Variants in C1QTNF5 observed in about 807,000 individuals in gnomAD.
C1QTNF5 encodes C1q and TNF related 5.
C1QTNF5 carries 5 observed loss-of-function variants against 10.9 expected under a neutral mutation model. The ratio of observed to expected loss-of-function variants is 0.46; its 90% CI spans 0.24 to 0.97. C1QTNF5 has a LOEUF of 0.97. Among genes scored for constraint, C1QTNF5 ranks in the 50% least tolerant of loss-of-function variants. The pLI, the probability that C1QTNF5 is intolerant of heterozygous loss-of-function variation, is 0.19. For synonymous variants in C1QTNF5, 161 were observed against 156.5 expected, an observed-to-expected ratio of 1.03 and a Z score of -0.22; for missense variants, 281 against 339.4, an observed-to-expected ratio of 0.83 and a Z score of 1.35.
In C1QTNF5 at chr11:119,339,214, C is replaced by T; in HGVS notation, c.*117G>A. On this transcript the variant is annotated 3_prime_UTR_variant, in exon 3 of 3. Coordinates refer to ENST00000528368, the MANE Select transcript of C1QTNF5 (RefSeq NM_001278431.2). This position sits in a 1 kb window ranked among gnomAD's most constrained non-coding sequence, Gnocchi z 5.4. The stretch of plus-strand genomic sequence containing the variant: ...AGCAGCAGGACGGAGAGTGCTCTAC[C>T]CCACCTCCCTAGTCATTCACAATAT... The T allele has an allele frequency of 8.3e-7, 1 of 1,203,028 alleles. No homozygotes were observed. Among genetic ancestry groups the T allele is most frequent in the East Asian group, 2.5e-5 (1 of 40,682 alleles). The allele number at this position is 1,203,028 out of a possible 1,614,324, so 74.5% of individuals were successfully genotyped here.
At chr11:119,344,154 C>T (rs1209348397), upstream of C1QTNF5, among the ~76,000 whole-genome samples, 3 of 151,986 alleles carry the variant, frequency 2.0e-5, no homozygotes, top group Non-Finnish European at 4.4e-5. Flanking sequence ...CATCTGGGTA[C>T]ACAGCAGGCA....
chr11:119,345,991 G>T, the C1QTNF5 span: 1 of 1,613,032 alleles, frequency 6.2e-7, no homozygotes, highest in Non-Finnish European at 8.5e-7. Flanking sequence ...CTGGGAGAGC[G>T]GCTCATGGAG....
intron 2 of C1QTNF5, among the ~76,000 whole-genome samples, 162 bp from the exon 3 acceptor site, chr11:119,340,010 TG>T (rs1354377887): frequency 1.3e-5 from 2 of 152,060 alleles, no homozygotes; most frequent in Non-Finnish European, 1.5e-5. Context: ...AGGGCAGATC[TG>T]GGGGGCTGGC....
chr11:119,343,111 G>A, upstream of C1QTNF5: 1 of 1,356,558 alleles, frequency 7.4e-7, no homozygotes, highest in Non-Finnish European at 1.0e-6. Context: ...TGATGCCAAA[G>A]GTGATGGAAG....
upstream of C1QTNF5, chr11:119,343,904 A>T: frequency 6.2e-7 from 1 of 1,613,450 alleles, no homozygotes; most frequent in Non-Finnish European, 8.5e-7. Context: ...TCCAGGCTGA[A>T]GTTGTGGAAC....
At chr11:119,343,224 G>A (rs750359243), upstream of C1QTNF5, among the ~76,000 whole-genome samples, 6 of 152,230 alleles carry the variant, frequency 3.9e-5, no homozygotes, top group South Asian at 2.1e-4. Flanking sequence ...AAAAATCAGC[G>A]AAGCAGCCTG....
chr11:119,341,806 C>T, upstream of C1QTNF5: 1 of 1,613,474 alleles, frequency 6.2e-7, no homozygotes, highest in East Asian at 2.2e-5. Flanking sequence ...GGCACCTGCT[C>T]CCAGGCTCCT....
upstream of C1QTNF5, chr11:119,345,431 GC>G (rs1565295426): frequency 3.1e-6 from 5 of 1,613,868 alleles, no homozygotes; most frequent in Non-Finnish European, 4.2e-6. Context: ...TGAGGAGGGG[GC>G]CTTCAGGCTC....
At chr11:119,343,956 G>C, upstream of C1QTNF5, 2 of 1,612,900 alleles carry the variant, frequency 1.2e-6, no homozygotes, top group South Asian at 1.1e-5. Context: ...AGATATGCCA[G>C]GTGCAGAGCT....
Position 119,340,406 on chromosome 11 carries a change from C to T in C1QTNF5, c.-9G>A. On this transcript the variant is annotated 5_prime_UTR_variant, in exon 2 of 3. Coordinates refer to ENST00000528368, the MANE Select transcript of C1QTNF5 (RefSeq NM_001278431.2). ...ACGAGGAGTGGCCTCATAGCGCTGG[C>T]ACCGGGAGCCCGGACGCCGGGGTCC... is the stretch of plus-strand genomic sequence containing the variant. 6.5e-7 allele frequency: 1 copy of T among 1,543,514 alleles called. No homozygotes were observed. The highest frequency in any genetic ancestry group is 8.7e-7 in the Non-Finnish European group (1 of 1,145,968).
upstream of C1QTNF5, chr11:119,345,153 T>C: frequency 9.5e-7 from 1 of 1,056,662 alleles, no homozygotes; most frequent in Non-Finnish European, 1.4e-6. Flanking sequence ...CAGGGAGCTC[T>C]GACCTTCCTA....
At chr11:119,345,727 C>T (rs368642159), upstream of C1QTNF5, 38 of 1,613,046 alleles carry the variant, frequency 2.4e-5, no homozygotes, top group East Asian at 4.5e-5. Context: ...AACCCCACCC[C>T]GTCATCTTGG....
rs1950483517 is a variant in C1QTNF5, at chr11:119,339,942, T to C, written c.215-94A>G. The C allele has an allele frequency of 7.2e-7, 1 of 1,391,072 alleles. No homozygotes were observed. Among genetic ancestry groups the C allele is most frequent in the Admixed American group, 3.1e-5 (1 of 32,046 alleles). 86.2% of individuals were successfully genotyped at this position (1,391,072 alleles called of 1,614,324 possible). On this transcript the variant is annotated intron_variant, in intron 2 of 2. Transcript: ENST00000528368. This position sits in a 1 kb window ranked among gnomAD's most constrained non-coding sequence, Gnocchi z 5.4. Reference sequence around the variant, plus strand: ...AGGTCACCGTACCCCTCCCCGCCCCTGCCTGAGCTTCGGCCAGCGCCTCCT... The same window carrying C: ...AGGTCACCGTACCCCTCCCCGCCCCCGCCTGAGCTTCGGCCAGCGCCTCCT...
chr11:119,344,262 A>G (rs1950534534), upstream of C1QTNF5: 10 of 1,522,192 alleles, frequency 6.6e-6, no homozygotes, highest in Non-Finnish European at 5.5e-6. Flanking sequence ...TAACTTGGGG[A>G]TCAGGTGCTT....
chr11:119,346,302 CAT>C, the C1QTNF5 span: 5 of 1,613,740 alleles, frequency 3.1e-6, no homozygotes, highest in Admixed American at 8.3e-5. Flanking sequence ...CTGTAGCTGG[CAT>C]CCTCTGGGAA....
At chr11:119,342,154 C>A (rs1565292848), upstream of C1QTNF5, among the ~76,000 whole-genome samples, 1 of 152,216 alleles carries the variant, frequency 6.6e-6, no homozygotes, top group Non-Finnish European at 1.5e-5. Context: ...GGATCCCTGC[C>A]ATCCCTGAGA....
In C1QTNF5 at chr11:119,340,251, G is replaced by T; in HGVS notation, c.147C>A (p.Arg49=). ...CGCCGTCGCGGCCGTCGCGGCCATC[G>T]CGGCCCGGCAAGCCCTGGCTGCCAT... ...GHHGSQGLPG[R]DGRDGRDGAP... The change falls in exon 2 of 3, where the codon CGC becomes CGA. Residue 49 remains arginine, a synonymous_variant. Coordinates refer to ENST00000528368, the MANE Select transcript of C1QTNF5 (RefSeq NM_001278431.2). 2 of 1,515,490 alleles carry T rather than the reference G, an allele frequency of 1.3e-6. No individual in the cohort carries two copies. Among genetic ancestry groups the T allele is most frequent in the South Asian group, 2.5e-5 (2 of 80,548 alleles). The allele number at this position is 1,515,490 out of a possible 1,614,324, so 93.9% of individuals were successfully genotyped here.
chr11:119,345,335 G>T, upstream of C1QTNF5: 1 of 1,387,188 alleles, frequency 7.2e-7, no homozygotes, highest in South Asian at 1.2e-5. Context: ...TCCTCGGTTA[G>T]CCCTTCTCCC....
chr11:119,342,496 C>T, upstream of C1QTNF5: 1 of 1,497,830 alleles, frequency 6.7e-7, no homozygotes, highest in East Asian at 2.4e-5. Context: ...TGGCCCCGCC[C>T]CCTCAGGGAG....
Sources: gnomAD v4.1 joint callset for allele counts (sites outside exome capture counted in the v4.1 genomes callset) on GRCh38, gnomAD v4.1.1 for gene constraint, Gnocchi (gnomAD v3.1) non-coding constraint, MANE v1.5 for transcripts, NCBI Gene and HGNC (gene_info 2026-07-23, HGNC 2026-07-21) for gene names.